Variants in DLG2 observed in about 807,000 individuals in gnomAD.
DLG2 encodes discs large MAGUK scaffold protein 2.
In DLG2, 45 loss-of-function variants were observed where a neutral mutation model predicts 132.5. That is an observed-to-expected ratio of 0.34 (90% CI 0.27 to 0.44). DLG2 has a LOEUF of 0.44. DLG2 is among the 20% of genes least tolerant of loss of function. DLG2 has a pLI of 1.00. For missense variants in DLG2, 1,045 were observed against 1,196.9 expected (o/e 0.87, Z 1.87); for synonymous variants, 424 against 419.6 (o/e 1.01, Z -0.13).
chr11:83,608,232 C>T (rs778864396), intron 19 of DLG2, among the ~76,000 whole-genome samples: 8 of 152,168 alleles, frequency 5.3e-5, no homozygotes, highest in Non-Finnish European at 1.2e-4. Flanking sequence ...GCCTAGCCTA[C>T]ATTAAATGTA....
chr11:84,763,897 G>T (rs537798109), intron 6 of DLG2, among the ~76,000 whole-genome samples: 1 of 152,204 alleles, frequency 6.6e-6, no homozygotes, highest in East Asian at 1.9e-4. Context: ...AAGAAACTGT[G>T]TTTGTTGGGG....
chr11:85,108,170 T>C (rs931082252), intron 6 of DLG2, among the ~76,000 whole-genome samples: 4 of 151,966 alleles, frequency 2.6e-5, no homozygotes, highest in Admixed American at 1.3e-4. Context: ...TTGGGGCAAA[T>C]GCAGACATGA....
At chr11:84,204,476 G>T (rs1010506726) in intron 8 of DLG2, among the ~76,000 whole-genome samples, 38 of 151,888 alleles carry the variant, frequency 2.5e-4, no homozygotes, top group African/African-American at 8.9e-4. Flanking sequence ...AATACAGGAA[G>T]ATAAAATACT....
chr11:85,086,200 A>C (rs1466271267), intron 6 of DLG2, among the ~76,000 whole-genome samples: 3 of 152,184 alleles, frequency 2.0e-5, no homozygotes, highest in Admixed American at 1.3e-4. Flanking sequence ...CAGTAGTGCC[A>C]AGGGTCTGGA....
chr11:84,845,422 G>C (rs1305338748), intron 6 of DLG2, among the ~76,000 whole-genome samples: 1 of 151,764 alleles, frequency 6.6e-6, no homozygotes, highest in South Asian at 2.1e-4. Flanking sequence ...TTCTAACAGA[G>C]GACAAAGACA....
At chr11:84,949,347 G>T (rs1335404646) in intron 6 of DLG2, among the ~76,000 whole-genome samples, 5 of 152,150 alleles carry the variant, frequency 3.3e-5, no homozygotes, top group African/African-American at 1.2e-4. Context: ...CAGGACCACA[G>T]GACCGAGGTG....
chr11:84,825,400 A>G (rs1415463655), intron 6 of DLG2, among the ~76,000 whole-genome samples: 2 of 151,932 alleles, frequency 1.3e-5, no homozygotes, highest in African/African-American at 4.8e-5. Flanking sequence ...GAAATTTTCC[A>G]TGGGTTCTTG....
chr11:84,901,139 T>C (rs946271683), intron 6 of DLG2, among the ~76,000 whole-genome samples: 1 of 152,074 alleles, frequency 6.6e-6, no homozygotes, highest in African/African-American at 2.4e-5. Flanking sequence ...TCTGACACCA[T>C]GTTTTCAGCT....
At chr11:83,993,895 G>A (rs1023200773) in intron 11 of DLG2, among the ~76,000 whole-genome samples, 2 of 152,148 alleles carry the variant, frequency 1.3e-5, no homozygotes, top group Non-Finnish European at 2.9e-5. Context: ...CATCTCACAT[G>A]TTGAAGTTTG....
At chr11:83,661,873 G>C (rs985535051) in intron 18 of DLG2, among the ~76,000 whole-genome samples, 5 of 152,188 alleles carry the variant, frequency 3.3e-5, no homozygotes, top group African/African-American at 1.2e-4. Context: ...TCAGGACAGA[G>C]CGAATGAATC....
chr11:84,927,476 C>T (rs941611019), intron 6 of DLG2, among the ~76,000 whole-genome samples: 11 of 151,846 alleles, frequency 7.2e-5, no homozygotes, highest in African/African-American at 2.7e-4. Flanking sequence ...TTCCAGTGTC[C>T]AGCTAGGATT....
chr11:83,986,521 C>A (rs889522138), intron 11 of DLG2, among the ~76,000 whole-genome samples: 1 of 150,398 alleles, frequency 6.6e-6, no homozygotes, highest in African/African-American at 2.5e-5. Context: ...AATAAACATA[C>A]GTGTGCATGT....
chr11:83,758,516 T>C (rs537199967), intron 18 of DLG2, among the ~76,000 whole-genome samples: 35 of 152,340 alleles, frequency 2.3e-4, no homozygotes, highest in Non-Finnish European at 2.2e-4. Context: ...AATGAAGTTA[T>C]ATATATGAGT....
At chr11:83,706,751 A>G (rs1471540488) in intron 18 of DLG2, among the ~76,000 whole-genome samples, 7 of 152,228 alleles carry the variant, frequency 4.6e-5, no homozygotes, top group Non-Finnish European at 8.8e-5. Context: ...AGTTTTGTGC[A>G]TGCCAGAGTG....
At chr11:83,777,420 T>C (rs2094625639) in intron 18 of DLG2, among the ~76,000 whole-genome samples, 1 of 152,246 alleles carries the variant, frequency 6.6e-6, no homozygotes. Context: ...CTGCCACTAC[T>C]TGTGATTCTG....
At chr11:84,210,042 G>T (rs1249445847) in intron 8 of DLG2, among the ~76,000 whole-genome samples, 1 of 152,086 alleles carries the variant, frequency 6.6e-6, no homozygotes, top group Non-Finnish European at 1.5e-5. Flanking sequence ...CAGCACTTTG[G>T]GAGGCAGAGG....
intron 11 of DLG2, among the ~76,000 whole-genome samples, chr11:84,000,007 A>T (rs2094260667): frequency 6.6e-6 from 1 of 152,094 alleles, no homozygotes; most frequent in African/African-American, 2.4e-5. Context: ...ATAATTCTCT[A>T]GTAACAGATC....
intron 19 of DLG2, among the ~76,000 whole-genome samples, chr11:83,607,028 AC>A (rs1180071365): frequency 7.9e-5 from 12 of 152,386 alleles, no homozygotes; most frequent in African/African-American, 2.9e-4. Context: ...CTCCTGAGAC[AC>A]AGCGGGCTCA....
intron 21 of DLG2, among the ~76,000 whole-genome samples, chr11:83,522,807 C>A (rs1242091853): frequency 5.3e-5 from 2 of 37,468 alleles, no homozygotes; most frequent in Admixed American, 4.0e-4. Context: ...TTTTAGAGCC[C>A]CCCCCCCCTT....
Sources: allele counts gnomAD v4.1 joint callset (sites outside exome capture counted in the v4.1 genomes callset), GRCh38; gene constraint gnomAD v4.1.1; transcripts MANE v1.5; gene names NCBI Gene and HGNC (gene_info 2026-07-23, HGNC 2026-07-21).